The following PIN4 variants were observed in gnomAD, a reference collection of about 807,000 sequenced individuals.
The protein encoded by PIN4 is peptidylprolyl cis/trans isomerase, NIMA-interacting 4, also known as peptidyl-prolyl cis-trans isomerase NIMA-interacting 4.
A neutral mutation model predicts 8.3 loss-of-function variants in PIN4; 3 were observed. The observed-to-expected ratio is 0.36, with a 90% confidence interval of 0.16 to 0.93. PIN4 has a LOEUF of 0.93. Among genes scored for constraint, PIN4 ranks in the 40% least tolerant of loss-of-function variants. The pLI is 0.44. For synonymous variants in PIN4, 18 were observed against 32.5 expected, an observed-to-expected ratio of 0.55 and a Z score of 1.52; for missense variants, 75 against 100.6, an observed-to-expected ratio of 0.75 and a Z score of 1.09.
chrX:72,194,552 G>T (rs58538874), intron 2 of PIN4, among the ~76,000 whole-genome samples: 1 of 103,606 alleles, frequency 9.7e-6, no homozygotes, highest in African/African-American at 3.5e-5. Flanking sequence ...AAAATTAGCC[G>T]CTAGCCAGGC....
intron 2 of PIN4, among the ~76,000 whole-genome samples, chrX:72,193,367 G>A (rs2042746119): frequency 9.1e-6 from 1 of 109,590 alleles, no homozygotes; most frequent in Non-Finnish European, 1.9e-5. Flanking sequence ...TCCTTCAGGA[G>A]GTATTCCAGA....
chrX:72,185,131 G>A (rs1346049146), intron 1 of PIN4, among the ~76,000 whole-genome samples: 1 of 56,574 alleles, frequency 1.8e-5, no homozygotes, highest in African/African-American at 6.1e-5. Context: ...GCGACAGACA[G>A]AGCGAGACTC....
chrX:72,193,667 T>G (rs1245958200), intron 2 of PIN4, among the ~76,000 whole-genome samples: 1 of 111,447 alleles, frequency 9.0e-6, no homozygotes, highest in Non-Finnish European at 1.9e-5. Flanking sequence ...GGTCAGGAGT[T>G]CAAGACCAGC....
rs150378520 is a variant in PIN4, at chrX:72,209,825, A to C, written c.312+12921A>C. Among the ~76,000 whole-genome samples the C allele has an allele frequency of 5.9e-3, 660 of 111,647 alleles. 4 individuals are homozygous for C. Among genetic ancestry groups the C allele is most frequent in the African/African-American group, 0.021 (640 of 30,747 alleles). On this transcript the variant is annotated intron_variant, in intron 3 of 3. Coordinates refer to the PIN4 transcript ENST00000423432. ...CAGTGGTTTATGGTCAATTACTTTC[A>C]GTAAGGGCGCCAAAATAATTCACTG...
At chrX:72,184,899 T>C (rs185512200) in intron 1 of PIN4, among the ~76,000 whole-genome samples, 315 of 109,734 alleles carry the variant, frequency 2.9e-3, no homozygotes, top group Middle Eastern at 9.3e-3. Flanking sequence ...TCCCAGCACT[T>C]TGGGAGGCCG....
intron 3 of PIN4, among the ~76,000 whole-genome samples, chrX:72,223,212 C>G (rs1482783319): frequency 9.9e-6 from 1 of 100,800 alleles, no homozygotes; most frequent in African/African-American, 3.6e-5. Flanking sequence ...TGGTGGCAGG[C>G]GCCTGTAATC....
intron 3 of PIN4, among the ~76,000 whole-genome samples, chrX:72,257,865 C>A (rs1310550010): frequency 1.8e-5 from 2 of 111,741 alleles, no homozygotes; most frequent in African/African-American, 3.3e-5. Context: ...TTATGTAAAA[C>A]CCCAGTTCCA....
chrX:72,184,625 G>A (rs992947985), intron 1 of PIN4, among the ~76,000 whole-genome samples: 3 of 111,656 alleles, frequency 2.7e-5, no homozygotes, highest in African/African-American at 9.8e-5. Flanking sequence ...AAGAGGATGG[G>A]ATAACTGGAA....
rs35952560 is a variant in PIN4 at position 72,245,069 on chromosome X, C to CAAAAAAAAAAAAAAAAAAAAAAAAA, written c.313-17631_313-17607dup. 1.0e-4 allele frequency among the ~76,000 whole-genome samples: 2 copies of CAAAAAAAAAAAAAAAAAAAAAAAAA among 19,743 alleles called. 1 individual carries two copies. The highest frequency in any genetic ancestry group is 4.1e-4 in the African/African-American group (2 of 4,935). 17.1% of individuals were successfully genotyped at this position (19,743 alleles called of 115,157 possible). On this transcript the variant is annotated intron_variant, in intron 3 of 3. Coordinates refer to the PIN4 transcript ENST00000423432. ...CCCGAGTGACAGAGTGAGATCCTGTCAAAAAAAAAAAAAAAAAAAAAAAAA... is the reference window on the plus strand; with the variant it reads ...CCCGAGTGACAGAGTGAGATCCTGTCAAAAAAAAAAAAAAAAAAAAAAAAAAAAAAAAAAAAAAAAAAAAAAAAAA...
intron 3 of PIN4, among the ~76,000 whole-genome samples, chrX:72,243,562 T>C (rs2043057325): frequency 8.9e-6 from 1 of 112,016 alleles, no homozygotes. Flanking sequence ...CAGAGGTTCA[T>C]TATCCTCTTC....
At chrX:72,206,160 A>G (rs934837493) in intron 3 of PIN4, 1 of 1,211,886 alleles carries the variant, frequency 8.3e-7, no homozygotes, top group Non-Finnish European at 1.1e-6. Context: ...TTGATTTGCT[A>G]AGTACATAAT....
intron 3 of PIN4, among the ~76,000 whole-genome samples, chrX:72,245,164 T>C (rs907383802): frequency 9.3e-6 from 1 of 107,604 alleles, no homozygotes. Flanking sequence ...TAATAATGTA[T>C]TTATGAGACA....
At chrX:72,236,059 A>G (rs1239128582) in intron 3 of PIN4, among the ~76,000 whole-genome samples, 1 of 112,247 alleles carries the variant, frequency 8.9e-6, no homozygotes, top group Non-Finnish European at 1.9e-5. Context: ...ATAGGTCCCA[A>G]CAATATCAAA....
chrX:72,238,638 G>C (rs1310985629), intron 3 of PIN4, among the ~76,000 whole-genome samples: 1 of 112,755 alleles, frequency 8.9e-6, no homozygotes, highest in African/African-American at 3.2e-5. Flanking sequence ...TTGCCCAAAA[G>C]AAGAGGCATC....
At position 72,197,368 on chromosome X, in the gene PIN4, G is replaced by C. The variant is rs987800721; in HGVS notation, c.238G>C (p.Gly80Arg). The change falls in exon 4 of 4, where the codon GGT becomes CGT. Residue 80 changes from glycine to arginine, a missense_variant and splice_region_variant. Coordinates refer to ENST00000373669, the MANE Select transcript of PIN4 (RefSeq NM_006223.4). Reference protein sequence around the residue: ...QYSEDKARQGGDLGWMTRGSM... With the variant: ...QYSEDKARQGRDLGWMTRGSM... The stretch of plus-strand genomic sequence containing the variant: ...ATCACTTATCTTTTGGGTTTTTCAG[G>C]GTGACTTGGGTTGGATGACCAGAGG... 8.3e-7 allele frequency: 1 copy of C among 1,201,126 alleles called. No homozygotes were observed. The highest frequency in any genetic ancestry group is 1.7e-5 in the African/African-American group (1 of 57,526).
Position 72,196,889 on chromosome X carries a change from T to G in PIN4, c.222T>G (p.Asp74Glu), listed in dbSNP as rs1327836879. 8.4e-7 allele frequency: 1 copy of G among 1,197,374 alleles called. No homozygotes were observed. Among genetic ancestry groups the G allele is most frequent in the Admixed American group, 2.2e-5 (1 of 44,972 alleles). The change falls in exon 3 of 4, where the codon GAT becomes GAG. Residue 74 changes from aspartate to glutamate, a missense_variant. Coordinates refer to ENST00000373669, the MANE Select transcript of PIN4 (RefSeq NM_006223.4). ...AAGTGGCCGCACAGTATAGTGAAGA[T>G]AAAGCCAGGCAAGGGGTATGTTGCT... is the stretch of plus-strand genomic sequence containing the variant. Reference protein sequence around the residue: ...FNEVAAQYSEDKARQGGDLGW... With the variant: ...FNEVAAQYSEEKARQGGDLGW...
chrX:72,255,237 T>G (rs1223636115), intron 3 of PIN4, among the ~76,000 whole-genome samples: 1 of 106,264 alleles, frequency 9.4e-6, no homozygotes, highest in Non-Finnish European at 1.9e-5. Flanking sequence ...GCCACTGAAC[T>G]CCAGCCTGGG....
chrX:72,208,038 A>G lies in PIN4; in HGVS notation c.312+11134A>G, dbSNP rs182482991. 135 of 1,210,202 alleles carry G rather than the reference A, an allele frequency of 1.1e-4. No individual in the cohort carries two copies. The East Asian group carries it at 3.8e-3, about 34-fold the overall frequency. On this transcript the variant is annotated intron_variant, in intron 3 of 3. Transcript: ENST00000423432. ...GATTACTTGCAGGAATAGCACGAGC[A>G]CATATTGCTGACTTAGTAGATGAGG...
In PIN4 at chrX:72,198,339, C is replaced by CA; in HGVS notation, c.*814dup. ...CTTCAAAAATAAAACTTTGCCAACA[C>CA]AGCTATGTGATTCTTAACAGATTAT... On this transcript the variant is annotated 3_prime_UTR_variant, in exon 4 of 4. Transcript: ENST00000373669. 8.2e-6 allele frequency: 6 copies of CA among 735,863 alleles called. No homozygotes were observed. The highest frequency in any genetic ancestry group is 9.6e-6 in the Non-Finnish European group (6 of 622,263). The allele number at this position is 735,863 out of a possible 1,213,427, so 60.6% of individuals were successfully genotyped here.
Sources: allele counts gnomAD v4.1 joint callset (sites outside exome capture counted in the v4.1 genomes callset), GRCh38; gene constraint gnomAD v4.1.1; transcripts MANE v1.5; gene names NCBI Gene and HGNC (gene_info 2026-07-23, HGNC 2026-07-21).